The following ME3 variants were observed in gnomAD, a reference collection of about 807,000 sequenced individuals.
ME3 encodes the protein NADP-dependent malic enzyme, mitochondrial.
In ME3, 48 loss-of-function variants were observed where a neutral mutation model predicts 68.9. That is an observed-to-expected ratio of 0.70 (90% CI 0.55 to 0.89). The LOEUF is 0.89. ME3 is among the 40% of genes least tolerant of loss of function. The pLI is 0.00. For missense variants in ME3, 675 were observed against 797.4 expected, an observed-to-expected ratio of 0.85 and a Z score of 1.85; for synonymous variants, 320 against 318.8, an observed-to-expected ratio of 1.00 and a Z score of -0.04.
chr11:86,622,085 A>G (rs537970875), intron 2 of ME3, among the ~76,000 whole-genome samples: 173 of 152,108 alleles, frequency 1.1e-3, no homozygotes, highest in African/African-American at 2.8e-3. Flanking sequence ...GATGTTTGCC[A>G]TGGCCAGGTG....
chr11:86,604,318 A>C (rs1961274570), intron 2 of ME3, among the ~76,000 whole-genome samples: 1 of 151,996 alleles, frequency 6.6e-6, no homozygotes, highest in Non-Finnish European at 1.5e-5. Context: ...CGGGTCATGA[A>C]CCAGTCTTTC....
At chr11:86,498,726 G>A (rs893021461) in intron 5 of ME3, among the ~76,000 whole-genome samples, 1 of 152,172 alleles carries the variant, frequency 6.6e-6, no homozygotes, top group African/African-American at 2.4e-5. Context: ...GGCCTACTAT[G>A]TGCTAGATGT....
intron 2 of ME3, among the ~76,000 whole-genome samples, chr11:86,577,921 T>C (rs1315843550): frequency 6.6e-6 from 1 of 152,212 alleles, no homozygotes; most frequent in African/African-American, 2.4e-5. Context: ...GTAAATGCCA[T>C]ACAACAACAT....
Position 86,496,881 on chromosome 11 carries a change from G to T in ME3, c.705+1082C>A, listed in dbSNP as rs7130920. On this transcript the variant is annotated intron_variant, in intron 6 of 14. Coordinates refer to ENST00000543262, the Ensembl canonical transcript of ME3. The stretch of plus-strand genomic sequence containing the variant: ...AACACCACTTTTATTTTATAAGTGC[G>T]TGGAAAAAAAAAAGGCTGGGGAAAT... Among the ~76,000 whole-genome samples, 5 of 151,930 alleles carry T rather than the reference G, an allele frequency of 3.3e-5. No individual in the cohort carries two copies. In the East Asian group the frequency reaches 9.7e-4, roughly 29 times the overall value.
intron 2 of ME3, among the ~76,000 whole-genome samples, chr11:86,644,420 C>T (rs186111829): frequency 4.6e-5 from 7 of 152,262 alleles, no homozygotes; most frequent in African/African-American, 1.7e-4. Flanking sequence ...TGAAACCCAG[C>T]CCACATACAC....
In ME3 at chr11:86,465,210, G is replaced by A. The variant is rs1358445917; in HGVS notation, c.810-10C>T. 1 of 1,593,452 alleles carries A rather than the reference G, an allele frequency of 6.3e-7. No homozygotes were observed. Among genetic ancestry groups the A allele is most frequent in the Non-Finnish European group, 8.6e-7 (1 of 1,161,404 alleles). On this transcript the variant is annotated splice_polypyrimidine_tract_variant and intron_variant, in intron 7 of 14. Coordinates refer to ENST00000543262, the Ensembl canonical transcript of ME3. ...GCAATTTATTCCAAACCTGTGTGGA[G>A]GGAGAGGAAGAAACCCATGATTGCC...
At chr11:86,588,357 T>C (rs1221492963) in intron 2 of ME3, among the ~76,000 whole-genome samples, 1 of 152,236 alleles carries the variant, frequency 6.6e-6, no homozygotes, top group Non-Finnish European at 1.5e-5. Context: ...TATAACAAGC[T>C]GTTTGCTAAC....
At chr11:86,493,227 G>A (rs1952106769) in intron 6 of ME3, among the ~76,000 whole-genome samples, 1 of 152,212 alleles carries the variant, frequency 6.6e-6, no homozygotes. Flanking sequence ...ACCAGGCTCT[G>A]CTAATGATCT....
exon 2 of ME3, chr11:86,671,940 C>T (rs1842888821): frequency 7.0e-7 from 1 of 1,427,574 alleles, no homozygotes; most frequent in Non-Finnish European, 9.1e-7. Context: ...CAGCGCGGCA[C>T]CCATGGTCCT....
In ME3 at chr11:86,489,892, C is replaced by T. The variant is rs1188821558; in HGVS notation, c.706-2452G>A. Reference sequence around the variant, plus strand: ...TTCTCAAAGGACCCGAGAGGTAGGTCTCATCGTTTCCCCCATTTTTTAAAT... The same window carrying T: ...TTCTCAAAGGACCCGAGAGGTAGGTTTCATCGTTTCCCCCATTTTTTAAAT... On this transcript the variant is annotated intron_variant, in intron 6 of 14. Transcript: ENST00000543262. 2.0e-5 allele frequency among the ~76,000 whole-genome samples: 3 copies of T among 152,130 alleles called. No individual in the cohort carries two copies. The South Asian group carries it at 6.2e-4, about 32-fold the overall frequency.
Position 86,534,288 on chromosome 11 carries a change from T to A in ME3, c.467+22265A>T, listed in dbSNP as rs188189423. Among the ~76,000 whole-genome samples the A allele has an allele frequency of 2.2e-3, 334 of 152,156 alleles. 4 individuals are homozygous for A. The highest frequency in any genetic ancestry group is 7.6e-3 in the African/African-American group (317 of 41,490). On this transcript the variant is annotated intron_variant, in intron 4 of 14. Transcript: ENST00000543262. ...TACACTAAATTTTTTTCAAAAAAAATTTCTTTAATAATAAATTAACCTTAG... is the reference window on the plus strand; with the variant it reads ...TACACTAAATTTTTTTCAAAAAAAAATTCTTTAATAATAAATTAACCTTAG...
At chr11:86,451,323 G>C (rs534345722) in intron 8 of ME3, among the ~76,000 whole-genome samples, 1 of 152,240 alleles carries the variant, frequency 6.6e-6, no homozygotes, top group Non-Finnish European at 1.5e-5. Context: ...TAGGTACAGA[G>C]TAAGAGGATA....
chr11:86,592,670 T>C (rs1470418692), intron 2 of ME3, among the ~76,000 whole-genome samples: 2 of 152,200 alleles, frequency 1.3e-5, no homozygotes, highest in South Asian at 4.1e-4. Flanking sequence ...ATCTAAGGGT[T>C]ACTACTTAAG....
At chr11:86,632,890 G>A (rs1375727091) in intron 2 of ME3, among the ~76,000 whole-genome samples, 1 of 152,154 alleles carries the variant, frequency 6.6e-6, no homozygotes. Flanking sequence ...GAAACACAAC[G>A]GTGAGGAAGG....
At chr11:86,660,789 C>T (rs1946223854) in intron 2 of ME3, among the ~76,000 whole-genome samples, 1 of 152,154 alleles carries the variant, frequency 6.6e-6, no homozygotes. Context: ...ACAAAAGATG[C>T]TATTCTTTAG....
chr11:86,650,603 A>G (rs768773495), intron 2 of ME3, among the ~76,000 whole-genome samples: 8 of 152,216 alleles, frequency 5.3e-5, no homozygotes, highest in Non-Finnish European at 1.0e-4. Flanking sequence ...AAGTTAAACA[A>G]ATTTACAATG....
chr11:86,441,100 C>G (rs540643774), downstream of ME3: 2 of 505,410 alleles, frequency 4.0e-6, no homozygotes, highest in African/African-American at 4.0e-5. Context: ...AAGTGAACTC[C>G]CAGGGCCTTC....
intron 2 of ME3, among the ~76,000 whole-genome samples, chr11:86,655,279 T>C (rs1010873136): frequency 7.2e-5 from 11 of 151,974 alleles, no homozygotes; most frequent in Admixed American, 1.3e-4. Context: ...AAAAAGAGCC[T>C]GCATCGCCAA....
At position 86,567,243 on chromosome 11, in the gene ME3, A is replaced by AAAAGGAAGGAAGG. The variant is rs1437097148; in HGVS notation, c.184-7421_184-7420insCCTTCCTTCCTTT. Among the ~76,000 whole-genome samples the AAAAGGAAGGAAGG allele has an allele frequency of 4.5e-3, 649 of 144,568 alleles. 5 individuals carry two copies. Among genetic ancestry groups the AAAAGGAAGGAAGG allele is most frequent in the Middle Eastern group, 6.9e-3 (2 of 288 alleles). 94.8% of individuals were successfully genotyped at this position (144,568 alleles called of 152,430 possible). On this transcript the variant is annotated intron_variant, in intron 2 of 14. Transcript: ENST00000543262. ...AAAGAAAGAAAGAAAGAAAAGAAAG[A>AAAAGGAAGGAAGG]AAGGAAGGAAGGAAGGAAGGAAGGA...
Sources: allele counts gnomAD v4.1 joint callset (sites outside exome capture counted in the v4.1 genomes callset), GRCh38; gene constraint gnomAD v4.1.1; transcripts MANE v1.5; gene names NCBI Gene and HGNC (gene_info 2026-07-23, HGNC 2026-07-21).